The following MRPS6 variants were observed in gnomAD, a reference collection of about 807,000 sequenced individuals.
MRPS6 encodes small ribosomal subunit protein bS6m.
Under a neutral mutation model 13.1 loss-of-function variants are expected in MRPS6, and 6 were observed. The ratio of observed to expected loss-of-function variants is 0.46; its 90% CI spans 0.25 to 0.91. MRPS6 has a LOEUF of 0.91. Ranked by LOEUF, MRPS6 falls within the 40% of genes least tolerant of loss-of-function variation. The probability of loss-of-function intolerance (pLI) is 0.18; values close to 1 mark genes in which losing one functional copy is unlikely to be tolerated. For synonymous variants in MRPS6, 61 were observed against 56.5 expected, an observed-to-expected ratio of 1.08 and a Z score of -0.36; for missense variants, 164 against 155.6, an observed-to-expected ratio of 1.05 and a Z score of -0.29.
chr21:34,105,232 T>C (rs926929689), intron 1 of MRPS6: 4 of 1,000,304 alleles, frequency 4.0e-6, no homozygotes, highest in African/African-American at 1.7e-5. Context: ...GTTCTTTGCT[T>C]GGACATCCCA....
rs535863421 is a variant in MRPS6 at position 34,142,658 on chromosome 21, C to T, written c.*58C>T. The T allele has an allele frequency of 1.8e-5, 27 of 1,467,610 alleles. No individual in the cohort carries two copies. The highest frequency in any genetic ancestry group is 1.3e-4 in the East Asian group (5 of 39,588). The allele number at this position is 1,467,610 out of a possible 1,614,324, so 90.9% of individuals were successfully genotyped here. A position where few individuals can be genotyped will look rare whatever the true frequency, so the allele number is the denominator to read the frequency against. ...TTCCTTCACATTTGGGCAGCATGGA[C>T]GAGAAGGAAGAATTTGCAAGTTTGG... On this transcript the variant is annotated 3_prime_UTR_variant, in exon 3 of 3. Coordinates refer to ENST00000399312, the MANE Select transcript of MRPS6 (RefSeq NM_032476.4).
At chr21:34,127,783 A>G (rs1054762544) in intron 2 of MRPS6, among the ~76,000 whole-genome samples, 4 of 152,248 alleles carry the variant, frequency 2.6e-5, no homozygotes, top group African/African-American at 9.6e-5. Context: ...GCATTAATCC[A>G]TAGCCACAGA....
intron 1 of MRPS6, among the ~76,000 whole-genome samples, chr21:34,106,895 T>G (rs1056054348): frequency 6.6e-6 from 1 of 152,184 alleles, no homozygotes; most frequent in Non-Finnish European, 1.5e-5. Flanking sequence ...TAATCTGGAC[T>G]ACTTCTTGGA....
intron 2 of MRPS6, among the ~76,000 whole-genome samples, chr21:34,138,115 T>C (rs1484063574): frequency 6.6e-6 from 1 of 152,076 alleles, no homozygotes; most frequent in African/African-American, 2.4e-5. Flanking sequence ...CAAATTGAGA[T>C]GTGTCTTCCT....
chr21:34,089,343 T>G (rs2148656841), intron 1 of MRPS6, among the ~76,000 whole-genome samples: 1 of 152,024 alleles, frequency 6.6e-6, no homozygotes, highest in African/African-American at 2.4e-5. Context: ...TCATTTATCT[T>G]TAACAAAATG....
At chr21:34,097,742 A>AT (rs994303728) in intron 1 of MRPS6, 75 of 1,000,054 alleles carry the variant, frequency 7.5e-5, no homozygotes, top group East Asian at 1.1e-4. Flanking sequence ...TCATTTCTAA[A>AT]TTTTTTTTTC....
intron 1 of MRPS6, chr21:34,097,725 G>C: frequency 9.9e-7 from 1 of 1,008,494 alleles, no homozygotes. Context: ...TGAAGTAGAA[G>C]ATTTGCTCAT....
intron 2 of MRPS6, among the ~76,000 whole-genome samples, chr21:34,135,097 AGT>A (rs140286884): frequency 0.012 from 1,752 of 152,252 alleles, 38 homozygotes; most frequent in South Asian, 0.081. Context: ...TGAGATCAAT[AGT>A]GTGTATCAAT....
At chr21:34,140,488 C>T (rs1980872639) in intron 2 of MRPS6, among the ~76,000 whole-genome samples, 1 of 152,072 alleles carries the variant, frequency 6.6e-6, no homozygotes, top group African/African-American at 2.4e-5. Flanking sequence ...ATATGGTTGG[C>T]CTCGGTAAAT....
At chr21:34,099,346 A>G in intron 1 of MRPS6, 1 of 1,000,256 alleles carries the variant, frequency 1.0e-6, no homozygotes. Flanking sequence ...ATCTGGACTC[A>G]TGGTTTGTTC....
chr21:34,097,485 A>C, intron 1 of MRPS6: 1 of 1,440,792 alleles, frequency 6.9e-7, no homozygotes, highest in South Asian at 1.7e-5. Context: ...CTTAGCAGAA[A>C]ATCATCTAAT....
intron 1 of MRPS6, chr21:34,106,230 T>C: frequency 1.1e-6 from 1 of 934,970 alleles, no homozygotes. Flanking sequence ...TTAGCAATTC[T>C]GTACCAACTT....
In MRPS6 at chr21:34,079,596, C is replaced by T. The variant is rs1226181835; in HGVS notation, c.45+5851C>T. On this transcript the variant is annotated intron_variant, in intron 1 of 2. Transcript: ENST00000399312. ...GATTACAGGCATGCGCCACCAGACCCAGCTAATTTTTTTTTTTTTTTTTTT... is the reference window on the plus strand; with the variant it reads ...GATTACAGGCATGCGCCACCAGACCTAGCTAATTTTTTTTTTTTTTTTTTT... Among the ~76,000 whole-genome samples the T allele has an allele frequency of 2.8e-5, 4 of 142,096 alleles. No homozygotes were observed. The Admixed American group carries it at 2.9e-4, about 10-fold the overall frequency. The allele number at this position is 142,096 out of a possible 152,430, so 93.2% of individuals were successfully genotyped here.
chr21:34,130,633 G>T (rs1332343666), intron 2 of MRPS6, among the ~76,000 whole-genome samples: 4 of 152,162 alleles, frequency 2.6e-5, no homozygotes, highest in Non-Finnish European at 5.9e-5. Flanking sequence ...ATAAAGGAGG[G>T]CACATTATCA....
intron 1 of MRPS6, chr21:34,099,537 A>G (rs1979135645): frequency 1.7e-5 from 17 of 999,678 alleles, no homozygotes; most frequent in Non-Finnish European, 2.0e-5. Flanking sequence ...TTCACTGATA[A>G]TTGACATATT....
intron 2 of MRPS6, among the ~76,000 whole-genome samples, chr21:34,138,658 A>G (rs1343474437): frequency 4.6e-5 from 7 of 152,058 alleles, no homozygotes; most frequent in Non-Finnish European, 1.0e-4. Flanking sequence ...CACCAGTTAG[A>G]ATGGCAATCA....
intron 2 of MRPS6, chr21:34,136,147 C>CT (rs1232704835): frequency 6.0e-6 from 1 of 166,506 alleles, no homozygotes; most frequent in Non-Finnish European, 1.3e-5. Context: ...TTTTTCTTTT[C>CT]TTTTTTCTTT....
chr21:34,085,916 T>G (rs1978347839), intron 1 of MRPS6, among the ~76,000 whole-genome samples: 1 of 152,172 alleles, frequency 6.6e-6, no homozygotes, highest in Admixed American at 6.5e-5. Context: ...ATAAGGACTT[T>G]TAAACAACCG....
chr21:34,104,682 A>G, intron 1 of MRPS6: 1 of 1,000,302 alleles, frequency 1.0e-6, no homozygotes, highest in Non-Finnish European at 1.2e-6. Context: ...GAGAATATCA[A>G]ACCTCAGGCC....
Sources: gnomAD v4.1 joint callset for allele counts (sites outside exome capture counted in the v4.1 genomes callset) on GRCh38, gnomAD v4.1.1 for gene constraint, MANE v1.5 for transcripts, NCBI Gene and HGNC (gene_info 2026-07-23, HGNC 2026-07-21) for gene names.